NEK1: variants seen among roughly 807,000 people sequenced by gnomAD.
NEK1 encodes the protein NIMA related kinase 1.
A neutral mutation model predicts 182.1 loss-of-function variants in NEK1; 137 were observed. The ratio of observed to expected loss-of-function variants is 0.75; its 90% CI spans 0.65 to 0.87. NEK1 has a LOEUF of 0.87. Among genes scored for constraint, NEK1 ranks in the 40% least tolerant of loss-of-function variants. The probability of loss-of-function intolerance (pLI) is 0.00; values close to 1 mark genes in which losing one functional copy is unlikely to be tolerated. For synonymous variants in NEK1, 513 were observed against 492.2 expected, an observed-to-expected ratio of 1.04 and a Z score of -0.56; for missense variants, 1,391 against 1,494.4, an observed-to-expected ratio of 0.93 and a Z score of 1.14.
At chr4:169,468,744 C>T (rs562808296) in intron 26 of NEK1, among the ~76,000 whole-genome samples, 1 of 152,190 alleles carries the variant, frequency 6.6e-6, no homozygotes, top group South Asian at 2.1e-4. Context: ...TCTGTCTGGT[C>T]CTGGGCTTTT....
chr4:169,430,431 T>G (rs910432472), intron 29 of NEK1, among the ~76,000 whole-genome samples: 8 of 152,200 alleles, frequency 5.3e-5, no homozygotes, highest in Non-Finnish European at 8.8e-5. Context: ...GAGATCTGCC[T>G]ACCTCAGCCT....
At chr4:169,584,002 T>C (rs1364492431) in intron 10 of NEK1, among the ~76,000 whole-genome samples, 4 of 152,218 alleles carry the variant, frequency 2.6e-5, no homozygotes, top group African/African-American at 7.2e-5. Flanking sequence ...AAAAAAACTA[T>C]AGTTTTGCTG....
At chr4:169,425,342 AG>A (rs1385875820) in intron 30 of NEK1, among the ~76,000 whole-genome samples, 2 of 151,942 alleles carry the variant, frequency 1.3e-5, no homozygotes, top group Non-Finnish European at 2.9e-5. Context: ...GGGTTGTTTG[AG>A]CCCAGGAGTT....
At chr4:169,522,007 A>G (rs1381078935) in intron 19 of NEK1, among the ~76,000 whole-genome samples, 2 of 152,162 alleles carry the variant, frequency 1.3e-5, no homozygotes, top group Non-Finnish European at 2.9e-5. Flanking sequence ...AGCTTTGAAG[A>G]TACAATGTTA....
intron 26 of NEK1, among the ~76,000 whole-genome samples, chr4:169,474,416 C>T (rs1053316501): frequency 3.9e-5 from 6 of 152,214 alleles, no homozygotes; most frequent in African/African-American, 1.4e-4. Context: ...TCTACATCCC[C>T]ACCAAGTAAT....
Position 169,477,371 on chromosome 4 carries a change from T to C in NEK1, c.2206-19A>G, listed in dbSNP as rs1747154628. 1.3e-6 allele frequency: 2 copies of C among 1,547,802 alleles called. No homozygotes were observed. Among genetic ancestry groups the C allele is most frequent in the Non-Finnish European group, 1.8e-6 (2 of 1,141,862 alleles). ...GCTTACTCTGAAAGTCACGACATTA[T>C]ATATTTTAATATGTATATCATTAAG... On this transcript the variant is annotated intron_variant, in intron 25 of 35. Coordinates refer to ENST00000507142, the MANE Select transcript of NEK1 (RefSeq NM_001199397.3).
intron 10 of NEK1, among the ~76,000 whole-genome samples, chr4:169,582,805 T>C (rs925703115): frequency 2.0e-5 from 3 of 152,188 alleles, no homozygotes; most frequent in Non-Finnish European, 2.9e-5. Context: ...TTTTCAGTTA[T>C]ACCAAGGACA....
At chr4:169,578,091 T>C (rs1378866549) in intron 11 of NEK1, among the ~76,000 whole-genome samples, 1 of 152,134 alleles carries the variant, frequency 6.6e-6, no homozygotes, top group Admixed American at 6.5e-5. Flanking sequence ...AGAAACTCCA[T>C]GCACAAGAAT....
chr4:169,403,445 C>T (rs972122260), intron 32 of NEK1, among the ~76,000 whole-genome samples: 12 of 152,054 alleles, frequency 7.9e-5, no homozygotes, highest in African/African-American at 2.9e-4. Flanking sequence ...TGGCACGAGC[C>T]TGTATTCCTA....
At chr4:169,595,848 G>A (rs570104583) in intron 5 of NEK1, among the ~76,000 whole-genome samples, 2 of 150,752 alleles carry the variant, frequency 1.3e-5, no homozygotes, top group Admixed American at 6.6e-5. Context: ...GCGTGAACCC[G>A]GGAGGCAGAG....
At chr4:169,495,300 G>A (rs1308822250) in intron 23 of NEK1, among the ~76,000 whole-genome samples, 2 of 142,742 alleles carry the variant, frequency 1.4e-5, no homozygotes, top group Non-Finnish European at 3.0e-5. Context: ...CTGGAGTGCA[G>A]TGGCGCGATC....
intron 29 of NEK1, among the ~76,000 whole-genome samples, chr4:169,431,357 A>G (rs1329566030): frequency 6.6e-6 from 1 of 152,194 alleles, no homozygotes; most frequent in East Asian, 1.9e-4. Context: ...AATGAAATAA[A>G]TGGAAACACA....
chr4:169,441,486 G>A (rs1433470389), intron 27 of NEK1, among the ~76,000 whole-genome samples: 4 of 152,210 alleles, frequency 2.6e-5, no homozygotes, highest in African/African-American at 9.6e-5. Context: ...GGGGCCTGAG[G>A]ACAGGCCCTC....
At chr4:169,417,856 C>T (rs1734800594) in intron 31 of NEK1, among the ~76,000 whole-genome samples, 1 of 152,122 alleles carries the variant, frequency 6.6e-6, no homozygotes, top group Admixed American at 6.5e-5. Context: ...GGCTTTCTGC[C>T]TGGAGAAAAT....
At chr4:169,546,258 G>A (rs952339067) in intron 18 of NEK1, among the ~76,000 whole-genome samples, 4 of 152,130 alleles carry the variant, frequency 2.6e-5, no homozygotes, top group Non-Finnish European at 4.4e-5. Flanking sequence ...AGTCATTCAG[G>A]AGCAGGTTGT....
intron 27 of NEK1, among the ~76,000 whole-genome samples, chr4:169,449,148 C>G (rs896458988): frequency 1.1e-4 from 17 of 152,222 alleles, no homozygotes; most frequent in Admixed American, 6.5e-4. Flanking sequence ...AACAAAGCTG[C>G]CCAGAAGTTC....
At chr4:169,466,318 A>C (rs1215156530) in intron 26 of NEK1, among the ~76,000 whole-genome samples, 2 of 152,140 alleles carry the variant, frequency 1.3e-5, no homozygotes, top group African/African-American at 4.8e-5. Flanking sequence ...GATGCTCAAC[A>C]AAACCCAAGC....
intron 27 of NEK1, among the ~76,000 whole-genome samples, chr4:169,453,810 T>A (rs1193390162): frequency 1.3e-5 from 2 of 152,210 alleles, no homozygotes; most frequent in Admixed American, 6.5e-5. Context: ...TGTTCGGGGC[T>A]CTCAGCTCTG....
At chr4:169,453,604 A>T (rs963700445) in intron 27 of NEK1, among the ~76,000 whole-genome samples, 1 of 152,264 alleles carries the variant, frequency 6.6e-6, no homozygotes, top group African/African-American at 2.4e-5. Context: ...GTTCAAAGGC[A>T]TTCTTAAGCC....
Sources: allele counts gnomAD v4.1 joint callset (sites outside exome capture counted in the v4.1 genomes callset), GRCh38; gene constraint gnomAD v4.1.1; transcripts MANE v1.5; gene names NCBI Gene and HGNC (gene_info 2026-07-23, HGNC 2026-07-21).